The following GFRA2 variants were observed in gnomAD, a reference collection of about 807,000 sequenced individuals.
GFRA2 encodes the protein GDNF family receptor alpha 2.
Under a neutral mutation model 48.3 loss-of-function variants are expected in GFRA2, and 17 were observed. That is an observed-to-expected ratio of 0.35 (90% CI 0.24 to 0.53). The LOEUF is 0.53. GFRA2 is among the 20% of genes least tolerant of loss of function. The pLI is 0.93. For synonymous variants in GFRA2, 305 were observed against 257.2 expected (o/e 1.19, Z -1.78); for missense variants, 660 against 637.3 (o/e 1.04, Z -0.38).
chr8:21,795,823 A>T (rs951929898), intron 2 of GFRA2, among the ~76,000 whole-genome samples: 11 of 152,190 alleles, frequency 7.2e-5, no homozygotes, highest in Non-Finnish European at 1.5e-4. Flanking sequence ...CACAGGCCAG[A>T]AATCAGGCAT....
At chr8:21,741,463 C>A (rs911759797) in intron 4 of GFRA2, among the ~76,000 whole-genome samples, 1 of 152,082 alleles carries the variant, frequency 6.6e-6, no homozygotes. Flanking sequence ...CTGCTCATTT[C>A]GGCAGCATTA....
intron 2 of GFRA2, among the ~76,000 whole-genome samples, chr8:21,804,328 T>C (rs1807822085): frequency 6.6e-6 from 1 of 151,998 alleles, no homozygotes. Flanking sequence ...TCTCTGAACT[T>C]CAATTTCCTC....
intron 6 of GFRA2, among the ~76,000 whole-genome samples, 175 bp downstream of exon 6, chr8:21,704,810 T>G (rs1266189410): frequency 6.6e-6 from 1 of 152,100 alleles, no homozygotes; most frequent in Non-Finnish European, 1.5e-5. Context: ...TACTGACAGC[T>G]CTGGTGTGAA....
At chr8:21,716,110 G>A (rs914332847) in intron 4 of GFRA2, among the ~76,000 whole-genome samples, 3 of 152,110 alleles carry the variant, frequency 2.0e-5, no homozygotes, top group Non-Finnish European at 4.4e-5. Flanking sequence ...ATTACTTGAG[G>A]TCAAGAGTTC....
At chr8:21,767,967 AG>A (rs1806260526) in intron 3 of GFRA2, among the ~76,000 whole-genome samples, 3 of 152,180 alleles carry the variant, frequency 2.0e-5, no homozygotes, top group Non-Finnish European at 4.4e-5. Context: ...ACAGAGAGAG[AG>A]AGAGAGAGCA....
rs548395013 is a variant in GFRA2 at position 21,733,417 on chromosome 8, C to T, written c.794+17171G>A. Among the ~76,000 whole-genome samples the T allele has an allele frequency of 2.0e-5, 3 of 152,284 alleles. No individual in the cohort carries two copies. In the South Asian group the frequency reaches 6.2e-4, roughly 32 times the overall value. The stretch of plus-strand genomic sequence containing the variant: ...CAGATGACAACTCACTGCATTCTTC[C>T]CCAGCATCGGCTTAGAATGAAAGGT... On this transcript the variant is annotated intron_variant, in intron 4 of 8. Transcript: ENST00000524240.
intron 2 of GFRA2, among the ~76,000 whole-genome samples, chr8:21,802,518 C>T (rs923149099): frequency 2.6e-5 from 4 of 152,122 alleles, no homozygotes; most frequent in African/African-American, 9.7e-5. Flanking sequence ...CCATGTCCGG[C>T]TAATTTTTTA....
chr8:21,723,140 G>A (rs955123184), intron 4 of GFRA2, among the ~76,000 whole-genome samples: 2 of 152,194 alleles, frequency 1.3e-5, no homozygotes, highest in Non-Finnish European at 2.9e-5. Flanking sequence ...AAAGCATCCA[G>A]GTAGACTCTT....
At chr8:21,790,533 G>A (rs1563269639), upstream of GFRA2, among the ~76,000 whole-genome samples, 1 of 152,210 alleles carries the variant, frequency 6.6e-6, no homozygotes, top group Non-Finnish European at 1.5e-5. Context: ...GGATTTAGGC[G>A]GGAAGGCGGC....
intron 7 of GFRA2, among the ~76,000 whole-genome samples, chr8:21,695,922 G>C (rs1802142560): frequency 6.6e-6 from 1 of 152,086 alleles, no homozygotes; most frequent in African/African-American, 2.4e-5. Flanking sequence ...CGGACACCCA[G>C]CGTCACTTCC....
chr8:21,694,514 G>A lies in GFRA2; in HGVS notation c.1222C>T (p.Gln408Ter). The change falls in exon 8 of 9, where the codon CAG (glutamine) becomes TAG (stop). Residue 408 changes from glutamine (Q) to a stop codon, truncating the protein, a stop_gained. Coordinates refer to ENST00000524240, the MANE Select transcript of GFRA2 (RefSeq NM_001495.5). LOFTEE classifies it high-confidence loss of function. ...TTGGAGTTGTTGGCCTTCAGCCCCT[G>A]CTCCTGCGAGAGAGAAGGTGCCAGT... is the stretch of plus-strand genomic sequence containing the variant. ...VITTCTSVQE[Q>*]GLKANNSKEL... 6.2e-7 allele frequency: 1 copy of A among 1,610,238 alleles called. No individual in the cohort carries two copies. The highest frequency in any genetic ancestry group is 1.1e-5 in the South Asian group (1 of 90,046).
intron 3 of GFRA2, among the ~76,000 whole-genome samples, chr8:21,765,838 C>G (rs1031782145): frequency 6.6e-6 from 1 of 152,086 alleles, no homozygotes; most frequent in East Asian, 1.9e-4. Flanking sequence ...TGTTCAAGTA[C>G]AAAATATCGA....
chr8:21,695,252 C>T (rs1292810566), intron 7 of GFRA2, among the ~76,000 whole-genome samples: 1 of 152,154 alleles, frequency 6.6e-6, no homozygotes, highest in Non-Finnish European at 1.5e-5. Context: ...ACATGATGAA[C>T]GGCCCTCTGT....
At position 21,754,548 on chromosome 8, in the gene GFRA2, G is replaced by A. The variant is rs549168552; in HGVS notation, c.440-3606C>T. On this transcript the variant is annotated intron_variant, in intron 3 of 8. Coordinates refer to ENST00000524240, the MANE Select transcript of GFRA2 (RefSeq NM_001495.5). ...TTTGAGTCAGAGTTTTGCTCTTGTC[G>A]CCCAGGCGGGAGTGCAATGGTGTGA... Among the ~76,000 whole-genome samples, 9 of 131,594 alleles carry A rather than the reference G, an allele frequency of 6.8e-5. 1 individual carries two copies. The South Asian group carries it at 1.4e-3, about 20-fold the overall frequency. 86.3% of individuals were successfully genotyped at this position (131,594 alleles called of 152,430 possible).
chr8:21,771,992 C>T (rs1337944682), intron 3 of GFRA2, among the ~76,000 whole-genome samples: 2 of 152,242 alleles, frequency 1.3e-5, no homozygotes, highest in South Asian at 2.1e-4. Flanking sequence ...AGCCAGCGTG[C>T]GACACACAGG....
rs190263264 is a variant in GFRA2 at position 21,754,737 on chromosome 8, G to C, written c.440-3795C>G. On this transcript the variant is annotated intron_variant, in intron 3 of 8. Transcript: ENST00000524240. ...TTAGCCAGGCTGGTCTCAAACTCAT[G>C]ACCTCAGGTGATCCGCCCGCCTCGG... Among the ~76,000 whole-genome samples the C allele has an allele frequency of 2.8e-3, 425 of 152,224 alleles. 3 individuals are homozygous for C. The highest frequency in any genetic ancestry group is 0.02 in the Middle Eastern group (6 of 294).
intron 2 of GFRA2, among the ~76,000 whole-genome samples, chr8:21,798,026 C>G: frequency 6.6e-6 from 1 of 152,298 alleles, no homozygotes; most frequent in African/African-American, 2.4e-5. Context: ...CACGTCCAGT[C>G]CACACAGTGG....
upstream of GFRA2, among the ~76,000 whole-genome samples, chr8:21,789,846 G>C (rs1020961288): frequency 6.6e-6 from 1 of 152,092 alleles, no homozygotes; most frequent in African/African-American, 2.4e-5. Context: ...CTCGGAGGCC[G>C]GCAAACCTGC....
At chr8:21,784,372 G>A (rs963203786) in intron 1 of GFRA2, 107 of 455,976 alleles carry the variant, frequency 2.3e-4, no homozygotes, top group Admixed American at 1.1e-3. Context: ...AGGCTTCCTC[G>A]ACTCCATCTC....
Sources: gnomAD v4.1 joint callset for allele counts (sites outside exome capture counted in the v4.1 genomes callset) on GRCh38, gnomAD v4.1.1 for gene constraint, MANE v1.5 for transcripts, NCBI Gene and HGNC (gene_info 2026-07-23, HGNC 2026-07-21) for gene names.